The following RNF121 variants were observed in gnomAD, a reference collection of about 807,000 sequenced individuals.
RNF121 encodes ring finger protein 121.
RNF121 carries 21 observed loss-of-function variants against 46.5 expected under a neutral mutation model. The observed-to-expected ratio is 0.45, with a 90% CI of 0.32 to 0.65. The LOEUF is 0.65. Among genes scored for constraint, RNF121 ranks in the 30% least tolerant of loss-of-function variants. The pLI is 0.04. For synonymous variants in RNF121, 139 were observed against 144.7 expected (o/e 0.96, Z 0.28); for missense variants, 346 against 416.0 (o/e 0.83, Z 1.46).
intron 5 of RNF121, among the ~76,000 whole-genome samples, chr11:71,988,179 C>T (rs1259353711): frequency 1.3e-5 from 2 of 152,172 alleles, no homozygotes; most frequent in African/African-American, 4.8e-5. Context: ...GCTGTTGCTT[C>T]AGTTGTCATA....
intron 1 of RNF121, among the ~76,000 whole-genome samples, chr11:71,930,711 A>T (rs1376916184): frequency 1.3e-5 from 2 of 152,206 alleles, no homozygotes; most frequent in Non-Finnish European, 2.9e-5. Flanking sequence ...TGAAGTTCTT[A>T]TTTAAGGTTT....
chr11:71,967,620 A>C (rs1277361208), intron 3 of RNF121, among the ~76,000 whole-genome samples: 1 of 151,878 alleles, frequency 6.6e-6, no homozygotes, highest in Admixed American at 6.6e-5. Context: ...ACGTGGTTTC[A>C]CCATGTTGGC....
At chr11:71,984,961 G>A (rs916288623) in intron 4 of RNF121, among the ~76,000 whole-genome samples, 13 of 150,858 alleles carry the variant, frequency 8.6e-5, no homozygotes, top group East Asian at 3.9e-4. Flanking sequence ...GCACTCTGTC[G>A]CCCAGGCTAG....
At chr11:71,988,424 TGAATG>T (rs759815502) in intron 5 of RNF121, among the ~76,000 whole-genome samples, 6 of 152,050 alleles carry the variant, frequency 3.9e-5, no homozygotes, top group Non-Finnish European at 7.4e-5. Flanking sequence ...TTTAAGATAA[TGAATG>T]GGATGATCAC....
chr11:71,981,127 C>G (rs559907931), intron 3 of RNF121, among the ~76,000 whole-genome samples: 64 of 152,028 alleles, frequency 4.2e-4, no homozygotes, highest in African/African-American at 1.4e-3. Flanking sequence ...CGGCTCCCTG[C>G]AAGCTCCACC....
At chr11:71,957,335 T>G in intron 2 of RNF121, 71 bp downstream of exon 2, 8 of 1,026,034 alleles carry the variant, frequency 7.8e-6, no homozygotes, top group East Asian at 2.4e-5. Flanking sequence ...GTGATATGTC[T>G]ACCCATTTTG....
intron 1 of RNF121, among the ~76,000 whole-genome samples, chr11:71,953,434 A>G (rs1953926327): frequency 6.6e-6 from 1 of 152,234 alleles, no homozygotes; most frequent in Non-Finnish European, 1.5e-5. Flanking sequence ...GTATGGCTGT[A>G]GATGCAATTT....
intron 1 of RNF121, among the ~76,000 whole-genome samples, chr11:71,929,378 G>A (rs1257921023): frequency 1.3e-5 from 2 of 151,860 alleles, no homozygotes; most frequent in Admixed American, 6.6e-5. Flanking sequence ...CGGAGGGGTG[G>A]GGGTGTTAAG....
chr11:71,932,456 C>T (rs1953297626), intron 1 of RNF121, among the ~76,000 whole-genome samples: 1 of 152,232 alleles, frequency 6.6e-6, no homozygotes, highest in South Asian at 2.1e-4. Flanking sequence ...CCATTTCTTA[C>T]TCCACTATTT....
intron 3 of RNF121, among the ~76,000 whole-genome samples, chr11:71,979,997 T>A (rs915096200): frequency 1.3e-5 from 2 of 152,240 alleles, no homozygotes; most frequent in African/African-American, 4.8e-5. Flanking sequence ...GGGTTGCGTT[T>A]TCCCCAAATT....
At chr11:71,938,030 A>C (rs1477090665) in intron 1 of RNF121, among the ~76,000 whole-genome samples, 1 of 152,184 alleles carries the variant, frequency 6.6e-6, no homozygotes, top group African/African-American at 2.4e-5. Context: ...CTAGGGAGAG[A>C]CTGGGGAAAG....
At chr11:71,984,522 T>G (rs894864814) in intron 4 of RNF121, among the ~76,000 whole-genome samples, 1 of 152,086 alleles carries the variant, frequency 6.6e-6, no homozygotes, top group Non-Finnish European at 1.5e-5. Context: ...CCTCATGATC[T>G]GCCTGCCTCA....
chr11:71,978,256 A>T lies in RNF121; in HGVS notation c.244-4505A>T, dbSNP rs747681181. ...ACCAGGTAACTTCCCCTTTTATCAC[A>T]TGGTAGACTGTTCTGTTCACTCAGC... On this transcript the variant is annotated intron_variant, in intron 3 of 8. Coordinates refer to ENST00000361756, the MANE Select transcript of RNF121 (RefSeq NM_018320.5). 87 of 441,974 alleles carry T rather than the reference A, an allele frequency of 2.0e-4. 2 individuals carry two copies. Among genetic ancestry groups the T allele is most frequent in the South Asian group, 1.4e-3 (85 of 62,630 alleles). The allele number at this position is 441,974 out of a possible 1,614,324, so 27.4% of individuals were successfully genotyped here. A position where few individuals can be genotyped will look rare whatever the true frequency, so the allele number is the denominator to read the frequency against.
At chr11:71,959,779 G>T (rs1280271970) in intron 2 of RNF121, among the ~76,000 whole-genome samples, 1 of 151,992 alleles carries the variant, frequency 6.6e-6, no homozygotes, top group Non-Finnish European at 1.5e-5. Context: ...GGGATCACAG[G>T]CATGCACCAC....
At chr11:71,959,637 CTTTTTTTTTT>C (rs893968966) in intron 2 of RNF121, among the ~76,000 whole-genome samples, 2 of 138,240 alleles carry the variant, frequency 1.4e-5, no homozygotes, top group East Asian at 4.1e-4. Context: ...CTCTCTTCTT[CTTTTTTTTTT>C]TTTTTTGAGA....
chr11:71,968,317 C>T lies in RNF121; in HGVS notation c.243+7426C>T, dbSNP rs557689487. 3.3e-5 allele frequency among the ~76,000 whole-genome samples: 5 copies of T among 152,268 alleles called. No individual in the cohort carries two copies. The East Asian group carries it at 9.7e-4, about 29-fold the overall frequency. On this transcript the variant is annotated intron_variant, in intron 3 of 8. Transcript: ENST00000361756. ...TCAAGTGATCAAACTGCCTCGGCCTCGCAAAGTGCTGGGATGACAGGTGTG... is the reference window on the plus strand; with the variant it reads ...TCAAGTGATCAAACTGCCTCGGCCTTGCAAAGTGCTGGGATGACAGGTGTG...
At chr11:71,985,040 G>C (rs1954746250) in intron 4 of RNF121, among the ~76,000 whole-genome samples, 2 of 152,100 alleles carry the variant, frequency 1.3e-5, no homozygotes, top group African/African-American at 4.8e-5. Flanking sequence ...TCCCATCTCA[G>C]TCTCTGTAGT....
chr11:71,968,101 G>A (rs565114278), intron 3 of RNF121, among the ~76,000 whole-genome samples: 7 of 150,974 alleles, frequency 4.6e-5, no homozygotes, highest in South Asian at 2.1e-4. Flanking sequence ...CTGCTCTGTC[G>A]CCCAGTTTGG....
chr11:71,934,939 T>C (rs71466344), intron 1 of RNF121, among the ~76,000 whole-genome samples: 229 of 7,346 alleles, frequency 0.031, 88 homozygotes, highest in Non-Finnish European at 0.11. Context: ...TCCAAATGCA[T>C]TCTTTTTTTT....
Sources: allele counts gnomAD v4.1 joint callset (sites outside exome capture counted in the v4.1 genomes callset), GRCh38; gene constraint gnomAD v4.1.1; transcripts MANE v1.5; gene names NCBI Gene and HGNC (gene_info 2026-07-23, HGNC 2026-07-21).